The following SENP6 variants were observed in gnomAD, a reference collection of about 807,000 sequenced individuals.
The protein encoded by SENP6 is SUMO specific peptidase 6.
Under a neutral mutation model 134.5 loss-of-function variants are expected in SENP6, and 41 were observed. The observed-to-expected ratio is 0.30, with a 90% CI of 0.24 to 0.40. The LOEUF is 0.40. Among genes scored for constraint, SENP6 ranks in the 10% least tolerant of loss-of-function variants. The pLI is 1.00. For synonymous variants in SENP6, 395 were observed against 429.8 expected (o/e 0.92, Z 1.00); for missense variants, 1,248 against 1,312.5 (o/e 0.95, Z 0.76).
intron 1 of SENP6, among the ~76,000 whole-genome samples, 160 bp downstream of exon 1, chr6:75,602,736 C>T (rs974567849): frequency 1.3e-5 from 2 of 152,110 alleles, no homozygotes; most frequent in Non-Finnish European, 2.9e-5. Context: ...GCGAGCGCAC[C>T]TGGTTCGAGT....
chr6:75,670,764 A>T, intron 11 of SENP6, 44 bp downstream of exon 11: 1 of 1,196,634 alleles, frequency 8.4e-7, no homozygotes. Context: ...TATAACATTA[A>T]AAATTCCGTT....
At chr6:75,675,132 C>T (rs564233177) in intron 11 of SENP6, among the ~76,000 whole-genome samples, 41 of 151,498 alleles carry the variant, frequency 2.7e-4, no homozygotes, top group African/African-American at 9.9e-4. Flanking sequence ...CCATGACATG[C>T]AATTTACCTG....
chr6:75,660,023 G>C (rs986064), intron 8 of SENP6, among the ~76,000 whole-genome samples: 169 of 152,240 alleles, frequency 1.1e-3, no homozygotes, highest in African/African-American at 3.9e-3. Context: ...TTATAGAATT[G>C]AATTCAGGGT....
At chr6:75,647,892 C>T (rs543638742) in intron 7 of SENP6, 91 bp downstream of exon 7, 14 of 976,344 alleles carry the variant, frequency 1.4e-5, no homozygotes, top group Non-Finnish European at 1.9e-5. Flanking sequence ...TAGAATATTC[C>T]CAGGTATAAT....
chr6:75,705,176 T>C (rs989177275), intron 19 of SENP6, among the ~76,000 whole-genome samples: 5 of 152,226 alleles, frequency 3.3e-5, no homozygotes, highest in South Asian at 2.1e-4. Flanking sequence ...GTCCAATCTT[T>C]GTTTGTTTAA....
chr6:75,681,698 C>G (rs1773477538), intron 16 of SENP6, among the ~76,000 whole-genome samples: 1 of 151,918 alleles, frequency 6.6e-6, no homozygotes, highest in African/African-American at 2.4e-5. Context: ...TTTTAATGAA[C>G]ATGATGACAA....
chr6:75,710,237 GATA>G (rs1479467467), intron 20 of SENP6, among the ~76,000 whole-genome samples: 1 of 152,066 alleles, frequency 6.6e-6, no homozygotes, highest in African/African-American at 2.4e-5. Flanking sequence ...GGCAGAAGCA[GATA>G]ATATTTAATT....
chr6:75,644,663 T>C (rs1354627492), intron 6 of SENP6, among the ~76,000 whole-genome samples: 1 of 152,122 alleles, frequency 6.6e-6, no homozygotes, highest in African/African-American at 2.4e-5. Context: ...TTTTGTATTT[T>C]TAGTAGAGAC....
chr6:75,631,115 T>C (rs1341325757), intron 3 of SENP6, among the ~76,000 whole-genome samples: 6 of 152,140 alleles, frequency 3.9e-5, no homozygotes, highest in African/African-American at 1.4e-4. Context: ...CGATAGTGTG[T>C]CTAATTTTTT....
At chr6:75,651,059 A>G (rs1300879073) in intron 7 of SENP6, among the ~76,000 whole-genome samples, 1 of 152,196 alleles carries the variant, frequency 6.6e-6, no homozygotes, top group Non-Finnish European at 1.5e-5. Context: ...TTTGTAAACC[A>G]TTAAGTGTAA....
At chr6:75,633,457 T>C in intron 3 of SENP6, 124 bp from the exon 4 acceptor site, 2 of 762,022 alleles carry the variant, frequency 2.6e-6, no homozygotes, top group South Asian at 4.6e-5. Flanking sequence ...TCCATGCCAA[T>C]GCTATCCACC....
intron 7 of SENP6, among the ~76,000 whole-genome samples, chr6:75,655,550 T>G (rs1041895098): frequency 6.6e-6 from 1 of 152,152 alleles, no homozygotes; most frequent in Non-Finnish European, 1.5e-5. Flanking sequence ...GTAAATGGAG[T>G]AATGCACTAT....
chr6:75,631,668 A>G (rs1312890242), intron 3 of SENP6, among the ~76,000 whole-genome samples: 6 of 152,226 alleles, frequency 3.9e-5, no homozygotes, highest in Admixed American at 3.9e-4. Flanking sequence ...TAAATTGTCT[A>G]TGGCCACTTT....
At chr6:75,692,824 G>A (rs1041196811) in intron 16 of SENP6, among the ~76,000 whole-genome samples, 5 of 151,732 alleles carry the variant, frequency 3.3e-5, no homozygotes, top group African/African-American at 1.2e-4. Context: ...TAGCACTTGG[G>A]ACGCCAAGGC....
At chr6:75,662,029 G>A (rs1771817034) in intron 8 of SENP6, among the ~76,000 whole-genome samples, 1 of 152,010 alleles carries the variant, frequency 6.6e-6, no homozygotes. Flanking sequence ...TCCAGCCTGG[G>A]CAACAAGAGT....
At chr6:75,673,346 G>C in intron 11 of SENP6, among the ~76,000 whole-genome samples, 2 of 106,688 alleles carry the variant, frequency 1.9e-5, no homozygotes, top group South Asian at 3.0e-4. Context: ...TTTTGAGACC[G>C]AGTCTCACTG....
Position 75,677,075 on chromosome 6 carries a change from A to G in SENP6, c.1667A>G (p.Asp556Gly), listed in dbSNP as rs1208120825. 1.9e-6 allele frequency: 3 copies of G among 1,598,458 alleles called. No homozygotes were observed. The highest frequency in any genetic ancestry group is 2.7e-5 in the African/African-American group (2 of 74,590). Residue 556 changes from aspartate to glycine, a missense_variant, in exon 14 of 24, where the codon GAT becomes GGT. Transcript: ENST00000447266. ...ATTTTAATTTTTCAAAATGGCCTTG[A>G]TCCTCCGGCAAATATGGTATTTGAA... The part of the protein sequence containing the change: ...YIILIFQNGL[D>G]PPANMVFESI...
intron 8 of SENP6, among the ~76,000 whole-genome samples, chr6:75,661,205 C>G (rs1259848912): frequency 2.0e-5 from 3 of 152,140 alleles, no homozygotes; most frequent in African/African-American, 7.2e-5. Context: ...TAATTTTTCC[C>G]ACGTTGCATG....
intron 19 of SENP6, 103 bp from the exon 20 acceptor site, chr6:75,709,424 G>C (rs756607043): frequency 4.4e-6 from 3 of 681,626 alleles, no homozygotes; most frequent in Non-Finnish European, 7.3e-6. Flanking sequence ...TTGTGTTCTT[G>C]ACTACTGTAT....
Sources: gnomAD v4.1 joint callset for allele counts (sites outside exome capture counted in the v4.1 genomes callset) on GRCh38, gnomAD v4.1.1 for gene constraint, MANE v1.5 for transcripts, NCBI Gene and HGNC (gene_info 2026-07-23, HGNC 2026-07-21) for gene names.